The following ABCD4 variants were observed in gnomAD, a reference collection of about 807,000 sequenced individuals.
ABCD4 encodes lysosomal cobalamin transporter ABCD4.
ABCD4 carries 53 observed loss-of-function variants against 86.3 expected under a neutral mutation model. That is an observed-to-expected ratio of 0.61 (90% CI 0.49 to 0.77). The LOEUF (loss-of-function observed/expected upper bound fraction) is 0.77, where lower values mean the gene tolerates loss of function less well. ABCD4 is among the 30% of genes least tolerant of loss of function. The probability of loss-of-function intolerance (pLI) is 0.00; values close to 1 mark genes in which losing one functional copy is unlikely to be tolerated. For synonymous variants in ABCD4, 328 were observed against 313.6 expected (o/e 1.05, Z -0.49); for missense variants, 757 against 764.5 (o/e 0.99, Z 0.12).
chr14:74,286,204 G>C lies in ABCD4; in HGVS notation c.*257C>G. On this transcript the variant is annotated 3_prime_UTR_variant, in exon 19 of 19. Transcript: ENST00000356924. ...ATCTGAAATCATTTGTAGGTAATCAGCACTTCAAGCATATGGAGGCTCTGG... is the reference window on the plus strand; with the variant it reads ...ATCTGAAATCATTTGTAGGTAATCACCACTTCAAGCATATGGAGGCTCTGG... The C allele has an allele frequency of 2.4e-6, 1 of 418,746 alleles. No individual in the cohort carries two copies. The highest frequency in any genetic ancestry group is 4.3e-6 in the Non-Finnish European group (1 of 234,034). 25.9% of individuals were successfully genotyped at this position (418,746 alleles called of 1,614,324 possible).
intron 7 of ABCD4, chr14:74,293,566 T>C: frequency 4.1e-6 from 1 of 246,114 alleles, no homozygotes; most frequent in East Asian, 8.5e-5. Context: ...GAGCCAATAA[T>C]ACCTATGTAA....
At chr14:74,293,108 C>A (rs763239218) in intron 8 of ABCD4, 46 bp downstream of exon 8, 2 of 1,582,826 alleles carry the variant, frequency 1.3e-6, no homozygotes, top group Non-Finnish European at 1.7e-6. Context: ...GGGAAGCAGA[C>A]CAGTCCAACC....
Position 74,292,761 on chromosome 14 carries a change from G to A in ABCD4, c.923C>T (p.Thr308Ile). The change falls in exon 9 of 19, where the codon ACC becomes ATC. Residue 308 changes from threonine (T) to isoleucine (I), a missense_variant. Transcript: ENST00000356924. ...AGGGAGTCTCACCTTGCTGACCAGGGTGCTAAGCTCTGCGGGACTCAGGTC... is the reference window on the plus strand; with the variant it reads ...AGGGAGTCTCACCTTGCTGACCAGGATGCTAAGCTCTGCGGGACTCAGGTC... The part of the protein sequence containing the change: ...YGDLSPAELS[T>I]LVSKNAFVCI... The A allele has an allele frequency of 6.2e-7, 1 of 1,614,076 alleles. No homozygotes were observed. The highest frequency in any genetic ancestry group is 8.5e-7 in the Non-Finnish European group (1 of 1,179,984).
Position 74,288,964 on chromosome 14 carries a change from T to C in ABCD4, c.1457-199A>G, listed in dbSNP as rs1056622684. 16 of 906,216 alleles carry C rather than the reference T, an allele frequency of 1.8e-5. No homozygotes were observed. In the African/African-American group the frequency reaches 2.1e-4, roughly 12 times the overall value. The allele number at this position is 906,216 out of a possible 1,614,324, so 56.1% of individuals were successfully genotyped here. A position where few individuals can be genotyped will look rare whatever the true frequency, so the allele number is the denominator to read the frequency against. On this transcript the variant is annotated intron_variant, in intron 14 of 18. Coordinates refer to ENST00000356924, the MANE Select transcript of ABCD4 (RefSeq NM_005050.4). ...CTGTCTCTACTAAATATACAAAAAT[T>C]AGGCAGGCAAGGTGGCGTGCACCTG... is the stretch of plus-strand genomic sequence containing the variant.
In ABCD4 at chr14:74,286,503, A is replaced by G; in HGVS notation, c.1779T>C (p.Cys593=). The change falls in exon 19 of 19, where the codon TGT becomes TGC. Residue 593 remains cysteine, a synonymous_variant. Coordinates refer to ENST00000356924, the MANE Select transcript of ABCD4 (RefSeq NM_005050.4). ...EKFHSLVLKL[C]GGGRWELMRI... ...TCATCAGCTCCCATCTTCCTCCTCCACAGAGTTTCAGAACCAAGGAATGAA... is the reference window on the plus strand; with the variant it reads ...TCATCAGCTCCCATCTTCCTCCTCCGCAGAGTTTCAGAACCAAGGAATGAA... 1 of 1,614,176 alleles carries G rather than the reference A, an allele frequency of 6.2e-7. No homozygotes were observed.
At chr14:74,288,118 C>A in intron 16 of ABCD4, 89 bp downstream of exon 16, 1 of 1,432,254 alleles carries the variant, frequency 7.0e-7, no homozygotes, top group South Asian at 1.3e-5. Flanking sequence ...ACTTTGGGGT[C>A]AGGAGCCGTT....
chr14:74,287,127 C>T (rs1010085569), intron 17 of ABCD4, among the ~76,000 whole-genome samples: 2 of 152,222 alleles, frequency 1.3e-5, no homozygotes, highest in Admixed American at 6.5e-5. Flanking sequence ...AAAGTCCACA[C>T]CCATCCACCT....
At chr14:74,295,459 C>G (rs538234443) in intron 6 of ABCD4, among the ~76,000 whole-genome samples, 6 of 152,204 alleles carry the variant, frequency 3.9e-5, no homozygotes, top group Non-Finnish European at 8.8e-5. Flanking sequence ...AGCATCTCCT[C>G]CTCCCAGGGC....
rs1204078851 is a variant in ABCD4 at position 74,286,762 on chromosome 14, C to T, written c.1691G>A (p.Arg564His). 16 of 1,614,088 alleles carry T rather than the reference C, an allele frequency of 9.9e-6. No individual in the cohort carries two copies. Among genetic ancestry groups the T allele is most frequent in the East Asian group, 2.2e-5 (1 of 44,882 alleles). The stretch of plus-strand genomic sequence containing the variant: ...CGTCATCCCCAGCTGCTGGCCGATG[C>T]GATAGAGCTCGCTCTCCACTTCCTC... Reference protein sequence around the residue: ...LTEEVESELYRIGQQLGMTFI... With the variant: ...LTEEVESELYHIGQQLGMTFI... Residue 564 changes from arginine (R) to histidine (H), a missense_variant, in exon 18 of 19, where the codon CGC (arginine) becomes CAC (histidine). By Grantham distance (29) the Arg-to-His change is conservative. Coordinates refer to ENST00000356924, the MANE Select transcript of ABCD4 (RefSeq NM_005050.4).
chr14:74,288,022 C>T lies in ABCD4; in HGVS notation c.1560-136G>A, dbSNP rs1235537547. ...AGACAGAAGCCCCTTCCCTTTCGAC[C>T]ATAGGCCTACAGCCCTCACAGAGTG... On this transcript the variant is annotated intron_variant, in intron 16 of 18. Coordinates refer to ENST00000356924, the MANE Select transcript of ABCD4 (RefSeq NM_005050.4). The T allele has an allele frequency of 2.8e-6, 3 of 1,053,068 alleles. No individual in the cohort carries two copies. The Admixed American group carries it at 6.2e-5, about 22-fold the overall frequency. The allele number at this position is 1,053,068 out of a possible 1,614,324, so 65.2% of individuals were successfully genotyped here.
rs929054439 is a variant in ABCD4, at chr14:74,295,968, A to G, written c.554T>C (p.Leu185Pro). ...ATACCCGAAGATGCTCACAGGCCCG[A>G]GCCAGCCTGTGCTGAAATAGAGAGA... ...TYQCFQSTGW[L>P]GPVSIFGYFI... is the part of the protein sequence containing the mutation. The change falls in exon 6 of 19, where the codon CTC (leucine) becomes CCC (proline). Residue 185 changes from leucine to proline, a missense_variant. Physicochemically the swap from Leu to Pro is moderately conservative, Grantham distance 98. Coordinates refer to ENST00000356924, the MANE Select transcript of ABCD4 (RefSeq NM_005050.4). 6.2e-6 allele frequency: 10 copies of G among 1,607,456 alleles called. No homozygotes were observed. Among genetic ancestry groups the G allele is most frequent in the Non-Finnish European group, 8.5e-6 (10 of 1,178,368 alleles).
intron 14 of ABCD4, chr14:74,288,995 C>T (rs2080649609): frequency 1.1e-6 from 1 of 913,348 alleles, no homozygotes; most frequent in East Asian, 3.4e-5. Flanking sequence ...ACCTGTAGCC[C>T]CAGCTACGGA....
chr14:74,287,915 A>G (rs780758854), intron 16 of ABCD4, 29 bp from the exon 17 acceptor site: 51 of 1,584,208 alleles, frequency 3.2e-5, no homozygotes, highest in Non-Finnish European at 3.8e-5. Flanking sequence ...GAGGACTGCT[A>G]GAGGAGGAAG....
At chr14:74,300,590 T>C (rs1365195234) in intron 1 of ABCD4, among the ~76,000 whole-genome samples, 3 of 134,826 alleles carry the variant, frequency 2.2e-5, no homozygotes, top group Non-Finnish European at 4.7e-5. Flanking sequence ...CAAAACTCCG[T>C]CTCAAAAAAA....
intron 6 of ABCD4, 167 bp downstream of exon 6, chr14:74,295,687 C>T: frequency 1.2e-6 from 1 of 865,482 alleles, no homozygotes; most frequent in Admixed American, 3.0e-5. Flanking sequence ...GGTACCATTT[C>T]CACTTTAGAG....
chr14:74,290,206 G>C, intron 12 of ABCD4, 85 bp downstream of exon 12: 2 of 1,610,850 alleles, frequency 1.2e-6, no homozygotes, highest in Admixed American at 1.7e-5. Context: ...CAACAGAAAA[G>C]AATGGATTCT....
intron 4 of ABCD4, 190 bp downstream of exon 4, chr14:74,297,740 G>T: frequency 7.6e-7 from 1 of 1,317,498 alleles, no homozygotes; most frequent in Non-Finnish European, 9.7e-7. Flanking sequence ...CTTCTTTTTA[G>T]CTGCCTATTC....
chr14:74,293,721 A>G (rs1320750062), intron 7 of ABCD4: 1 of 152,706 alleles, frequency 6.5e-6, no homozygotes, highest in Non-Finnish European at 1.5e-5. Flanking sequence ...CTAGTGCAAT[A>G]AAGAAATGAG....
In ABCD4 at chr14:74,285,278, C is replaced by T. The variant is rs2139670531; in HGVS notation, c.*1183G>A. 1 of 152,182 alleles carries T rather than the reference C, an allele frequency of 6.6e-6. No homozygotes were observed. Among genetic ancestry groups the T allele is most frequent in the African/African-American group, 2.4e-5 (1 of 41,524 alleles). 9.4% of individuals were successfully genotyped at this position (152,182 alleles called of 1,614,324 possible). A position where few individuals can be genotyped will look rare whatever the true frequency, so the allele number is the denominator to read the frequency against. On this transcript the variant is annotated 3_prime_UTR_variant, in exon 19 of 19. Transcript: ENST00000356924. ...CAGTGAGAAAATACAATTCTCACTC[C>T]ATCTTTCTGATTTTATTAAGGAGAA... is the stretch of plus-strand genomic sequence containing the variant.
Sources: allele counts gnomAD v4.1 joint callset (sites outside exome capture counted in the v4.1 genomes callset), GRCh38; gene constraint gnomAD v4.1.1; transcripts MANE v1.5; gene names NCBI Gene and HGNC (gene_info 2026-07-23, HGNC 2026-07-21).